The following DNAH17 variants were observed in gnomAD, a reference collection of about 807,000 sequenced individuals.
DNAH17 encodes axonemal beta dynein heavy chain 17.
Under a neutral mutation model 485.6 loss-of-function variants are expected in DNAH17, and 376 were observed. The ratio of observed to expected loss-of-function variants is 0.77; its 90% CI spans 0.71 to 0.84. The LOEUF is 0.84. Among genes scored for constraint, DNAH17 ranks in the 40% least tolerant of loss-of-function variants. The probability of loss-of-function intolerance (pLI) is 0.00; values close to 1 mark genes in which losing one functional copy is unlikely to be tolerated. For synonymous variants in DNAH17, 3,031 were observed against 2,405.9 expected, an observed-to-expected ratio of 1.26 and a Z score of -7.60; for missense variants, 6,370 against 5,839.3, an observed-to-expected ratio of 1.09 and a Z score of -2.96.
intron 25 of DNAH17, among the ~76,000 whole-genome samples, chr17:78,524,790 G>A (rs1042237330): frequency 3.9e-5 from 6 of 152,186 alleles, no homozygotes; most frequent in African/African-American, 1.2e-4. Flanking sequence ...AGTCAAAGGC[G>A]AGCCCCCACC....
chr17:78,500,074 G>A (rs1185945939), intron 36 of DNAH17: 14 of 500,264 alleles, frequency 2.8e-5, no homozygotes, highest in Middle Eastern at 5.3e-4. Context: ...TCCAGGGCAG[G>A]GGCTGGGGCA....
rs181398151 is a variant in DNAH17 at position 78,476,637 on chromosome 17, C to T, written c.8089G>A (p.Val2697Ile). The change falls in exon 52 of 81, where the codon GTT (valine) becomes ATT (isoleucine). Residue 2697 changes from valine to isoleucine, a missense_variant. By Grantham distance (29) the Val-to-Ile change is conservative. Coordinates refer to ENST00000389840, the MANE Select transcript of DNAH17 (RefSeq NM_173628.4). The stretch of plus-strand genomic sequence containing the variant: ...AATGTTTCCTGGTCTTTTTCGTCAA[C>T]CATTTTGTCACCATACACTCGTTCA... ...ETERVYGDKM[V>I]DEKDQETLHR... The T allele has an allele frequency of 2.5e-3, 4,029 of 1,612,292 alleles. 43 individuals are homozygous for T. Among genetic ancestry groups the T allele is most frequent in the Non-Finnish European group, 1.7e-3 (1,958 of 1,179,192 alleles).
chr17:78,505,808 A>G (rs939573115), intron 30 of DNAH17, among the ~76,000 whole-genome samples: 5 of 151,994 alleles, frequency 3.3e-5, no homozygotes, highest in African/African-American at 1.2e-4. Flanking sequence ...GAGAAACCCC[A>G]TCTCTACTAA....
rs149679660 is a variant in DNAH17 at position 78,457,096 on chromosome 17, C to T, written c.9978-1260G>A. 5.9e-5 allele frequency among the ~76,000 whole-genome samples: 9 copies of T among 152,208 alleles called. No homozygotes were observed. In the East Asian group the frequency reaches 9.6e-4, roughly 16 times the overall value. ...TGTTAAAAGGCATGAAGGGGCCGGG[C>T]GTGGTGGCTCACGCCTGTAATCCCA... On this transcript the variant is annotated intron_variant, in intron 62 of 80. Transcript: ENST00000389840.
intron 48 of DNAH17, among the ~76,000 whole-genome samples, chr17:78,481,919 G>A (rs971705358): frequency 1.3e-5 from 2 of 152,054 alleles, no homozygotes; most frequent in Non-Finnish European, 2.9e-5. Context: ...GGAGGCTGAG[G>A]CAGGAGAATT....
At chr17:78,489,486 T>TA (rs2089753680) in intron 44 of DNAH17, 1 of 152,244 alleles carries the variant, frequency 6.6e-6, no homozygotes, top group Non-Finnish European at 1.5e-5. Flanking sequence ...CTGAAGCTGT[T>TA]CTCCCTGAGT....
chr17:78,437,214 G>A (rs2086877741), intron 74 of DNAH17, among the ~76,000 whole-genome samples: 1 of 152,176 alleles, frequency 6.6e-6, no homozygotes, highest in South Asian at 2.1e-4. Flanking sequence ...CATCTACCCT[G>A]GTTGCCCATA....
At chr17:78,448,057 A>G (rs542561957) in intron 69 of DNAH17, among the ~76,000 whole-genome samples, 1 of 152,128 alleles carries the variant, frequency 6.6e-6, no homozygotes, top group East Asian at 1.9e-4. Context: ...CTGTAATCCC[A>G]GCTACTCGGA....
In DNAH17 at chr17:78,501,353, T is replaced by A. The variant is rs377556476; in HGVS notation, c.5323-9A>T. The stretch of plus-strand genomic sequence containing the variant: ...GCCTGAGAACTCTCCACCTGCAGGA[T>A]GAGCCGGAGCTCTTGTTGCCAGGTG... On this transcript the variant is annotated splice_polypyrimidine_tract_variant and intron_variant, in intron 34 of 80. Coordinates refer to ENST00000389840, the MANE Select transcript of DNAH17 (RefSeq NM_173628.4). 1.1e-4 allele frequency: 177 copies of A among 1,583,646 alleles called. 2 individuals are homozygous for A. In the Middle Eastern group the frequency reaches 2.4e-3, roughly 21 times the overall value.
intron 74 of DNAH17, among the ~76,000 whole-genome samples, chr17:78,434,898 T>TG (rs1468013766): frequency 2.6e-5 from 4 of 152,112 alleles, no homozygotes; most frequent in East Asian, 1.9e-4. Flanking sequence ...GCACTCTGTG[T>TG]GGGGGGAGGG....
intron 54 of DNAH17, among the ~76,000 whole-genome samples, chr17:78,470,788 T>A (rs895377029): frequency 1.3e-5 from 2 of 152,146 alleles, no homozygotes; most frequent in African/African-American, 4.8e-5. Flanking sequence ...ATGGAGACCC[T>A]AAAAGAGGCC....
intron 10 of DNAH17, 114 bp downstream of exon 10, chr17:78,566,885 G>T: frequency 7.2e-7 from 1 of 1,380,630 alleles, no homozygotes; most frequent in Non-Finnish European, 9.8e-7. Flanking sequence ...AAAGTGTTGG[G>T]ATCACCTGGC....
rs371949906 is a variant in DNAH17 at position 78,501,769 on chromosome 17, G to A, written c.5295C>T (p.Asp1765=). The A allele has an allele frequency of 1.3e-4, 217 of 1,613,710 alleles. 1 individual carries two copies. In the African/African-American group the frequency reaches 1.8e-3, roughly 13 times the overall value. ...TGGCCACGATCATTTTGGCCACCAC[G>A]TCCCGTGCGTGCACATCGATGGTGC... ...TICTIDVHAR[D]VVAKMIVAKV... Residue 1765 remains aspartate, a synonymous_variant, in exon 34 of 81, where the codon GAC becomes GAT. Coordinates refer to ENST00000389840, the MANE Select transcript of DNAH17 (RefSeq NM_173628.4).
rs568113415 is a variant in DNAH17 at position 78,530,557 on chromosome 17, A to G, written c.3115-45T>C. 43 of 1,496,240 alleles carry G rather than the reference A, an allele frequency of 2.9e-5. No homozygotes were observed. In the African/African-American group the frequency reaches 6.1e-4, roughly 21 times the overall value. The allele number at this position is 1,496,240 out of a possible 1,614,324, so 92.7% of individuals were successfully genotyped here. The stretch of plus-strand genomic sequence containing the variant: ...GCGGCCTGTCATAGCCTGCAAGCCT[A>G]GGGGGGGCGTCAGCACAGGGCCTCA... On this transcript the variant is annotated intron_variant, in intron 20 of 80. Coordinates refer to ENST00000389840, the MANE Select transcript of DNAH17 (RefSeq NM_173628.4).
rs898781506 is a variant in DNAH17 at position 78,494,257 on chromosome 17, C to T, written c.6271-84G>A. On this transcript the variant is annotated intron_variant, in intron 40 of 80. Coordinates refer to ENST00000389840, the MANE Select transcript of DNAH17 (RefSeq NM_173628.4). ...TGGGAGGCTGGGGGGCTTCCTGCCCCGTGGGGGAGATGATAAAGGCGCCCT... is the reference window on the plus strand; with the variant it reads ...TGGGAGGCTGGGGGGCTTCCTGCCCTGTGGGGGAGATGATAAAGGCGCCCT... 5.9e-5 allele frequency: 90 copies of T among 1,525,894 alleles called. No individual in the cohort carries two copies. In the Middle Eastern group the frequency reaches 1.2e-3, roughly 21 times the overall value. 94.5% of individuals were successfully genotyped at this position (1,525,894 alleles called of 1,614,324 possible).
intron 44 of DNAH17, among the ~76,000 whole-genome samples, chr17:78,487,927 C>T (rs2089683231): frequency 6.6e-6 from 1 of 152,188 alleles, no homozygotes; most frequent in African/African-American, 2.4e-5. Context: ...CCGCATAGCA[C>T]CCTGTATTAT....
At position 78,476,394 on chromosome 17, in the gene DNAH17, G is replaced by A. The variant is rs1011068346; in HGVS notation, c.8154+178C>T. 7.3e-5 allele frequency among the ~76,000 whole-genome samples: 11 copies of A among 151,294 alleles called. No individual in the cohort carries two copies. The South Asian group carries it at 2.3e-3, about 32-fold the overall frequency. Reference sequence around the variant, plus strand: ...CCCACAGCCACGTGCCGGAGTTATCGCGTGGAACCCTCGGATCCACAGCCA... The same window carrying A: ...CCCACAGCCACGTGCCGGAGTTATCACGTGGAACCCTCGGATCCACAGCCA... On this transcript the variant is annotated intron_variant, in intron 52 of 80. Transcript: ENST00000389840.
rs756653384 is a variant in DNAH17, at chr17:78,496,081, C to T, written c.5746-49G>A. 31 of 1,585,648 alleles carry T rather than the reference C, an allele frequency of 2.0e-5. No homozygotes were observed. The African/African-American group carries it at 2.7e-4, about 14-fold the overall frequency. Reference sequence around the variant, plus strand: ...TGTTAGCATGGAAATGGCCAGCTTCCACACACCAGAGAGGCCTTCACATAT... The same window carrying T: ...TGTTAGCATGGAAATGGCCAGCTTCTACACACCAGAGAGGCCTTCACATAT... On this transcript the variant is annotated intron_variant, in intron 37 of 80. Coordinates refer to ENST00000389840, the MANE Select transcript of DNAH17 (RefSeq NM_173628.4).
At chr17:78,476,801 T>C (rs1053824118) in intron 51 of DNAH17, 68 bp from the exon 52 acceptor site, 20 of 1,551,148 alleles carry the variant, frequency 1.3e-5, no homozygotes, top group Admixed American at 1.9e-5. Flanking sequence ...TGGACACAGA[T>C]GACCCTGAGG....
Sources: gnomAD v4.1 joint callset for allele counts (sites outside exome capture counted in the v4.1 genomes callset) on GRCh38, gnomAD v4.1.1 for gene constraint, MANE v1.5 for transcripts, NCBI Gene and HGNC (gene_info 2026-07-23, HGNC 2026-07-21) for gene names.